ZER1: variants seen among roughly 807,000 people sequenced by gnomAD.
ZER1 encodes zyg-11 related cell cycle regulator.
In ZER1, 11 loss-of-function variants were observed where a neutral mutation model predicts 78.8. That is an observed-to-expected ratio of 0.14 (90% CI 0.09 to 0.23). The LOEUF (loss-of-function observed/expected upper bound fraction) is 0.23, where lower values mean the gene tolerates loss of function less well. Ranked by LOEUF, ZER1 falls within the 10% of genes least tolerant of loss-of-function variation. The pLI, the probability that ZER1 is intolerant of heterozygous loss-of-function variation, is 1.00. For missense variants in ZER1, 588 were observed against 996.9 expected (o/e 0.59, Z 5.52); for synonymous variants, 400 against 407.0 (o/e 0.98, Z 0.21).
At chr9:128,766,347 C>CAAAAA (rs1190668112) in intron 1 of ZER1, among the ~76,000 whole-genome samples, 2 of 53,442 alleles carry the variant, frequency 3.7e-5, no homozygotes, top group African/African-American at 5.7e-5. Flanking sequence ...GATTCCATCT[C>CAAAAA]AAAAAAAAAA....
In ZER1 at chr9:128,755,995, T is replaced by C. The variant is rs1219455994; in HGVS notation, c.-94-336A>G. Among the ~76,000 whole-genome samples, 1 of 152,210 alleles carries C rather than the reference T, an allele frequency of 6.6e-6. No homozygotes were observed. The highest frequency in any genetic ancestry group is 1.5e-5 in the Non-Finnish European group (1 of 68,038). ...AGAGCTACACTGGGGTGTTCCATGC[T>C]GTGCAGTACTTCCTAACCTGTATAC... On this transcript the variant is annotated intron_variant, in intron 1 of 15. Coordinates refer to ENST00000291900, the MANE Select transcript of ZER1 (RefSeq NM_006336.4). This position sits in a 1 kb window ranked among gnomAD's most constrained non-coding sequence, Gnocchi z 5.6.
At chr9:128,745,987 A>G (rs4310302) in intron 8 of ZER1, 150,037 of 152,062 alleles carry the variant, frequency 0.99, 74,041 homozygotes, top group South Asian at 1. Flanking sequence ...TTACAGGCAC[A>G]CACCACCACG....
chr9:128,732,497 G>T lies in ZER1; in HGVS notation c.2243+929C>A, dbSNP rs958211585. ...TGATTCTCCTGCCTCAGCCTCCCAA[G>T]TGGCTGGGATTACAGGCACGTACCA... is the stretch of plus-strand genomic sequence containing the variant. On this transcript the variant is annotated intron_variant, in intron 15 of 15. Transcript: ENST00000291900. This position sits in a 1 kb window ranked among gnomAD's most constrained non-coding sequence, Gnocchi z 4.8. 1.3e-5 allele frequency among the ~76,000 whole-genome samples: 2 copies of T among 152,158 alleles called. No homozygotes were observed. The highest frequency in any genetic ancestry group is 2.9e-5 in the Non-Finnish European group (2 of 68,036).
At chr9:128,763,856 G>A (rs1055882739) in intron 1 of ZER1, among the ~76,000 whole-genome samples, 15 of 152,114 alleles carry the variant, frequency 9.9e-5, no homozygotes, top group African/African-American at 2.9e-4. Context: ...GGCTGGTGGC[G>A]CACGCCTGTA....
At chr9:128,733,350 C>A (rs1862903372) in intron 15 of ZER1, 76 bp downstream of exon 15, 7 of 1,335,092 alleles carry the variant, frequency 5.2e-6, no homozygotes, top group Non-Finnish European at 7.4e-6. Flanking sequence ...CCATTCCTAA[C>A]CTCCAGAGGG....
At chr9:128,760,141 A>C (rs1589542700) in intron 1 of ZER1, among the ~76,000 whole-genome samples, 1 of 152,308 alleles carries the variant, frequency 6.6e-6, no homozygotes, top group East Asian at 1.9e-4. Context: ...TGGCCTTCCA[A>C]AATGCTGGGA....
Position 128,729,899 on chromosome 9 carries a change from C to T in ZER1, c.*1438G>A, listed in dbSNP as rs1057428383. 1 of 152,676 alleles carries T rather than the reference C, an allele frequency of 6.5e-6. No homozygotes were observed. The highest frequency in any genetic ancestry group is 2.4e-5 in the African/African-American group (1 of 41,428). The allele number at this position is 152,676 out of a possible 1,614,324, so 9.5% of individuals were successfully genotyped here. ...AAGTCTGCCAGGGTCTGGCCGGGGC[C>T]GCTGAGCGTGGGAAGGAAGGGAGCG... On this transcript the variant is annotated 3_prime_UTR_variant, in exon 16 of 16. Transcript: ENST00000291900.
chr9:128,765,212 T>TACACACACACACACAC (rs60923356), intron 1 of ZER1, among the ~76,000 whole-genome samples: 1 of 149,702 alleles, frequency 6.7e-6, no homozygotes, highest in African/African-American at 2.4e-5. Flanking sequence ...CATGCACATG[T>TACACACACACACACAC]ACACACACAC....
At chr9:128,750,055 A>C (rs993023924) in intron 8 of ZER1, among the ~76,000 whole-genome samples, 4 of 152,162 alleles carry the variant, frequency 2.6e-5, no homozygotes, top group Non-Finnish European at 5.9e-5. Context: ...AAAAAGAAAA[A>C]AATTGTTGGC....
intron 1 of ZER1, among the ~76,000 whole-genome samples, chr9:128,759,337 A>ATTT (rs35419870): frequency 7.5e-6 from 1 of 133,070 alleles, no homozygotes; most frequent in Non-Finnish European, 1.6e-5. Context: ...CACCCAGCTA[A>ATTT]TTTTTTTTTT....
Position 128,755,460 on chromosome 9 carries a change from G to A in ZER1, c.106C>T (p.Leu36=). 2 of 1,614,082 alleles carry A rather than the reference G, an allele frequency of 1.2e-6. No homozygotes were observed. Among genetic ancestry groups the A allele is most frequent in the Non-Finnish European group, 1.7e-6 (2 of 1,180,022 alleles). The change falls in exon 2 of 16, where the codon CTA becomes TTA. Residue 36 remains leucine, a synonymous_variant. Coordinates refer to ENST00000291900, the MANE Select transcript of ZER1 (RefSeq NM_006336.4). This position sits in a 1 kb window ranked among gnomAD's most constrained non-coding sequence, Gnocchi z 5.6. ...CTGGGCAAGAAGATGTCCGGATGTA[G>A]CCGCAGGGTCTCCTTGTCCAGCAGG... ...GYLLDKETLR[L]HPDIFLPSEI... is the part of the protein sequence containing the mutation.
chr9:128,740,780 G>A lies in ZER1; in HGVS notation c.1845C>T (p.Ser615=), dbSNP rs1336069838. 1.3e-6 allele frequency: 1 copy of A among 780,822 alleles called. No individual in the cohort carries two copies. The highest frequency in any genetic ancestry group is 1.7e-5 in the African/African-American group (1 of 59,114). 48.4% of individuals were successfully genotyped at this position (780,822 alleles called of 1,614,324 possible). ...GGATTAAAAATACCAACCTGAAGACGCTGATGAACTGGGAAGTCATTAGTT... is the reference window on the plus strand; with the variant it reads ...GGATTAAAAATACCAACCTGAAGACACTGATGAACTGGGAAGTCATTAGTT... ...RPQLMTSQFI[S]VFSNLLESKA... The change falls in exon 12 of 16, where the codon AGC becomes AGT. Residue 615 remains serine (S), a synonymous_variant. Transcript: ENST00000291900. The surrounding 1 kb of genome is among the most constrained non-coding windows in gnomAD (Gnocchi z 4.4).
chr9:128,733,577 A>G, intron 14 of ZER1, 49 bp from the exon 15 acceptor site: 1 of 1,550,480 alleles, frequency 6.4e-7, no homozygotes, highest in Non-Finnish European at 8.8e-7. Context: ...TCTTCTTATC[A>G]GCCCGAGGCC....
Position 128,755,512 on chromosome 9 carries a change from C to T in ZER1, c.54G>A (p.Leu18=), listed in dbSNP as rs550650847. 4 of 1,613,952 alleles carry T rather than the reference C, an allele frequency of 2.5e-6. No homozygotes were observed. The highest frequency in any genetic ancestry group is 3.3e-5 in the Admixed American group (2 of 59,972). The part of the protein sequence containing the change: ...SLMALCTDFC[L]RNLDGTLGYL... ...AGCCCAGGGTGCCATCCAGGTTGCG[C>T]AAGCAGAAGTCAGTACAGAGGGCCA... The change falls in exon 2 of 16, where the codon TTG becomes TTA. Residue 18 remains leucine (L), a synonymous_variant. Transcript: ENST00000291900. The surrounding 1 kb of genome is among the most constrained non-coding windows in gnomAD (Gnocchi z 5.6).
chr9:128,753,876 C>T lies in ZER1; in HGVS notation c.242G>A (p.Arg81His), dbSNP rs761923157. ...FSLFSDPRST[R>H]LTRIHLREDL... ...CTCACGGAGGTGGATCCGCGTGAGG[C>T]GGGTGCTGCGGGGGTCCGAAAAGAG... Residue 81 changes from arginine (R) to histidine (H), a missense_variant, in exon 3 of 16, where the codon CGC becomes CAC. This residue lies in a region of ZER1 where 406 missense variants were observed against 660.1 expected (regional missense o/e 0.62). Coordinates refer to ENST00000291900, the MANE Select transcript of ZER1 (RefSeq NM_006336.4). The surrounding 1 kb of genome is among the most constrained non-coding windows in gnomAD (Gnocchi z 7.5). 6.2e-6 allele frequency: 10 copies of T among 1,601,500 alleles called. No homozygotes were observed. Among genetic ancestry groups the T allele is most frequent in the Non-Finnish European group, 8.5e-6 (10 of 1,174,522 alleles).
intron 1 of ZER1, among the ~76,000 whole-genome samples, chr9:128,764,306 C>T (rs1021990422): frequency 6.6e-6 from 1 of 152,196 alleles, no homozygotes; most frequent in African/African-American, 2.4e-5. Flanking sequence ...CTCTCGCATT[C>T]TCCCTGCTTG....
rs1249107896 is a variant in ZER1 at position 128,742,645 on chromosome 9, T to C, written c.1460A>G (p.Asn487Ser). Residue 487 changes from asparagine (N) to serine (S), a missense_variant, in exon 9 of 16, where the codon AAC (asparagine) becomes AGC (serine). By Grantham distance (46) the Asn-to-Ser change is conservative (BLOSUM62 1). Transcript: ENST00000291900. ...GATAGACTCGTCCTGCCGCGTGGGG[T>C]TGAGGATGCTGAGCAGGAGCTCGTT... ...RVNELLLSILNPTRQDESIQR... is the reference protein window; with the variant it reads ...RVNELLLSILSPTRQDESIQR... 6.2e-7 allele frequency: 1 copy of C among 1,614,056 alleles called. No homozygotes were observed. The highest frequency in any genetic ancestry group is 8.5e-7 in the Non-Finnish European group (1 of 1,180,008).
chr9:128,749,235 G>A (rs538971423), intron 8 of ZER1, among the ~76,000 whole-genome samples: 1 of 151,968 alleles, frequency 6.6e-6, no homozygotes, highest in Non-Finnish European at 1.5e-5. Flanking sequence ...GGCTGAGGCA[G>A]GAGGATCACT....
Position 128,750,670 on chromosome 9 carries a change from G to A in ZER1, c.1305C>T (p.Arg435=). The A allele has an allele frequency of 6.2e-7, 1 of 1,614,224 alleles. No individual in the cohort carries two copies. The highest frequency in any genetic ancestry group is 2.2e-5 in the East Asian group (1 of 44,888). The stretch of plus-strand genomic sequence containing the variant: ...TCAGCACCACCTGGATAACCTGCCG[G>A]CGCAGCTTCACACTCTGCTCTGAGC... ...EYRSEQSVKL[R]RQVIQVVLNG... The change falls in exon 8 of 16, where the codon CGC becomes CGT. Residue 435 remains arginine (R), a synonymous_variant. Coordinates refer to ENST00000291900, the MANE Select transcript of ZER1 (RefSeq NM_006336.4).
Sources: gnomAD v4.1 joint callset for allele counts (sites outside exome capture counted in the v4.1 genomes callset) on GRCh38, gnomAD v4.1.1 for gene constraint, gnomAD v4.1.1 regional missense constraint, Gnocchi (gnomAD v3.1) non-coding constraint, MANE v1.5 for transcripts, NCBI Gene and HGNC (gene_info 2026-07-23, HGNC 2026-07-21) for gene names.